The following PLCH1 variants were observed in gnomAD, a reference collection of about 807,000 sequenced individuals.
The protein encoded by PLCH1 is 1-phosphatidylinositol 4,5-bisphosphate phosphodiesterase eta-1.
PLCH1 carries 60 observed loss-of-function variants against 126.7 expected under a neutral mutation model. The ratio of observed to expected loss-of-function variants is 0.47; its 90% CI spans 0.38 to 0.59. The LOEUF (loss-of-function observed/expected upper bound fraction) is 0.59, where lower values mean the gene tolerates loss of function less well. PLCH1 is among the 20% of genes least tolerant of loss of function. PLCH1 has a pLI of 0.00. For missense variants in PLCH1, 1,723 were observed against 2,040.0 expected, an observed-to-expected ratio of 0.84 and a Z score of 2.99; for synonymous variants, 719 against 734.9, an observed-to-expected ratio of 0.98 and a Z score of 0.35.
intron 2 of PLCH1, among the ~76,000 whole-genome samples, chr3:155,610,539 T>C (rs1367137292): frequency 1.4e-4 from 21 of 152,158 alleles, no homozygotes; most frequent in African/African-American, 7.2e-5. Flanking sequence ...TATAAGCTAG[T>C]AGAAACTGGG....
At chr3:155,613,244 C>G (rs1735358672) in intron 2 of PLCH1, among the ~76,000 whole-genome samples, 1 of 152,118 alleles carries the variant, frequency 6.6e-6, no homozygotes. Context: ...GGTACCAATC[C>G]TATTGACACT....
rs140634966 is a variant in PLCH1 at position 155,703,305 on chromosome 3, C to A, written c.79+841G>T. Among the ~76,000 whole-genome samples, 521 of 152,264 alleles carry A rather than the reference C, an allele frequency of 3.4e-3. 1 individual carries two copies. The highest frequency in any genetic ancestry group is 7.0e-3 in the Admixed American group (107 of 15,280). ...TGAAAGCAGCTTAGATTATAGGATT[C>A]TGTTAAAGAGCACTCCACTCCCCCT... On this transcript the variant is annotated intron_variant, in intron 2 of 22. Transcript: ENST00000460012.
At chr3:155,710,890 G>A (rs1747075883) in intron 1 of PLCH1, among the ~76,000 whole-genome samples, 1 of 142,728 alleles carries the variant, frequency 7.0e-6, no homozygotes, top group Non-Finnish European at 1.5e-5. Context: ...AACTTGAAAA[G>A]CATAGAAAAA....
Position 155,494,495 on chromosome 3 carries a change from T to C in PLCH1, c.1917A>G (p.Ser639=), listed in dbSNP as rs1245043520. The change falls in exon 16 of 23, where the codon TCA becomes TCG. Residue 639 remains serine (S), a synonymous_variant. Transcript: ENST00000460012. The part of the protein sequence containing the change: ...VDDGTTGNVL[S]FSETRAHQVV... ...CCTGATGTGCTCTTGTTTCACTGAA[T>C]GATAACACATTTCCTGTGGTTCCTG... 2.5e-6 allele frequency: 4 copies of C among 1,612,506 alleles called. No individual in the cohort carries two copies. Among genetic ancestry groups the C allele is most frequent in the Middle Eastern group, 1.6e-4 (1 of 6,084 alleles).
At position 155,490,849 on chromosome 3, in the gene PLCH1, T is replaced by C. The variant is rs1716068176; in HGVS notation, c.2327A>G (p.Glu776Gly). The change falls in exon 19 of 23, where the codon GAA (glutamate) becomes GGA (glycine). Residue 776 changes from glutamate to glycine, a missense_variant. Physicochemically the swap from Glu to Gly is moderately conservative, Grantham distance 98. Around this residue, in one of 2 missense-constraint regions of PLCH1, gnomAD observed 776 missense variants for 1,062.9 expected, o/e 0.73. Coordinates refer to ENST00000460012, the MANE Select transcript of PLCH1 (RefSeq NM_014996.4). ...TACTGGCAATCCAATAATTTCAACTTCAACAAAAGGGTCAATGATCTATTA... is the reference window on the plus strand; with the variant it reads ...TACTGGCAATCCAATAATTTCAACTCCAACAAAAGGGTCAATGATCTATTA... ...DRGEIIDPFV[E>G]VEIIGLPVDC... is the part of the protein sequence containing the mutation. 1.3e-6 allele frequency: 2 copies of C among 1,579,182 alleles called. No individual in the cohort carries two copies. The highest frequency in any genetic ancestry group is 1.7e-6 in the Non-Finnish European group (2 of 1,148,810).
intron 21 of PLCH1, among the ~76,000 whole-genome samples, chr3:155,455,627 G>C (rs1712419049): frequency 6.6e-6 from 1 of 152,194 alleles, no homozygotes; most frequent in South Asian, 2.1e-4. Context: ...AATGAATTTA[G>C]GGTAGGGTCA....
chr3:155,736,320 A>G (rs1466064805), intron 1 of PLCH1, among the ~76,000 whole-genome samples: 1 of 152,224 alleles, frequency 6.6e-6, no homozygotes, highest in Non-Finnish European at 1.5e-5. Context: ...AAAAGGAGAA[A>G]AGTTGTGGTT....
In PLCH1 at chr3:155,456,369, G is replaced by T. The variant is rs890173352; in HGVS notation, c.2938+28987C>A. The stretch of plus-strand genomic sequence containing the variant: ...AAAAAAAAATCTCATAATGGTTTAA[G>T]AAAGTTTACAAATTTGTGTTGGGCC... On this transcript the variant is annotated intron_variant, in intron 21 of 21. Transcript: ENST00000494598. 6.6e-5 allele frequency among the ~76,000 whole-genome samples: 10 copies of T among 150,972 alleles called. No homozygotes were observed. The South Asian group carries it at 1.0e-3, about 16-fold the overall frequency.
At position 155,554,141 on chromosome 3, in the gene PLCH1, GA is replaced by G. The variant is rs1726502863; in HGVS notation, c.1124del (p.Leu375ProfsTer20). The stretch of plus-strand genomic sequence containing the variant: ...CATCTCTGAAGAGAATTTTTGAAGT[GA>G]GAGTGTAACCATGATGTACTACTGG... ...GEPVVHHGYT[L>X]TSKILFRDVV... On this transcript the variant is annotated frameshift_variant, in exon 9 of 23. Coordinates refer to ENST00000460012, the MANE Select transcript of PLCH1 (RefSeq NM_014996.4). LOFTEE classifies it high-confidence loss of function. 1.2e-6 allele frequency: 2 copies of G among 1,613,544 alleles called. No homozygotes were observed. The highest frequency in any genetic ancestry group is 1.7e-5 in the Admixed American group (1 of 59,982).
At chr3:155,619,497 G>GT (rs1553857945) in intron 2 of PLCH1, among the ~76,000 whole-genome samples, 1,205 of 65,142 alleles carry the variant, frequency 0.018, 25 homozygotes, top group African/African-American at 0.11. Context: ...AACAGAAAAA[G>GT]TAAAAAAAAA....
intron 1 of PLCH1, among the ~76,000 whole-genome samples, chr3:155,708,290 C>A (rs552237905): frequency 2.8e-4 from 42 of 152,272 alleles, no homozygotes; most frequent in Non-Finnish European, 4.9e-4. Flanking sequence ...GTTAGTAGGC[C>A]TGGGGCAAGG....
rs1553838806 is a variant in PLCH1 at position 155,566,116 on chromosome 3, T to TATATGTATATATACATATATACAC, written c.866-999_866-998insGTGTATATATGTATATATACATAT. 7.5e-4 allele frequency among the ~76,000 whole-genome samples: 105 copies of TATATGTATATATACATATATACAC among 140,148 alleles called. 1 individual carries two copies. Among genetic ancestry groups the TATATGTATATATACATATATACAC allele is most frequent in the Middle Eastern group, 3.7e-3 (1 of 270 alleles). The allele number at this position is 140,148 out of a possible 152,430, so 91.9% of individuals were successfully genotyped here. A position where few individuals can be genotyped will look rare whatever the true frequency, so the allele number is the denominator to read the frequency against. ...ATATAACCTAATATATATATACATA[T>TATATGTATATATACATATATACAC]ATATATGTATATATACATATATATG... is the stretch of plus-strand genomic sequence containing the variant. On this transcript the variant is annotated intron_variant, in intron 7 of 22. Coordinates refer to ENST00000460012, the MANE Select transcript of PLCH1 (RefSeq NM_014996.4).
intron 2 of PLCH1, among the ~76,000 whole-genome samples, chr3:155,648,225 T>C (rs1357260653): frequency 6.6e-6 from 1 of 152,196 alleles, no homozygotes; most frequent in African/African-American, 2.4e-5. Context: ...AGTAGTAGTA[T>C]TGGAGATTTC....
chr3:155,694,817 A>G (rs1298996907), intron 2 of PLCH1, among the ~76,000 whole-genome samples: 1 of 152,066 alleles, frequency 6.6e-6, no homozygotes, highest in African/African-American at 2.4e-5. Context: ...GGTGCTGACC[A>G]TTTTTCTTGT....
At chr3:155,660,073 G>C (rs185677517) in intron 2 of PLCH1, among the ~76,000 whole-genome samples, 2 of 152,146 alleles carry the variant, frequency 1.3e-5, no homozygotes, top group Admixed American at 1.3e-4. Context: ...ATTCATGAGT[G>C]GGGGAGCCAG....
At chr3:155,742,471 C>T (rs1749707238) in intron 1 of PLCH1, 1 of 152,144 alleles carries the variant, frequency 6.6e-6, no homozygotes, top group South Asian at 2.1e-4. Flanking sequence ...CATCAACCTT[C>T]CCTCTCTTTG....
chr3:155,556,829 A>C (rs1462331489), intron 8 of PLCH1, among the ~76,000 whole-genome samples: 1 of 152,222 alleles, frequency 6.6e-6, no homozygotes, highest in Non-Finnish European at 1.5e-5. Flanking sequence ...ACCCACAAGC[A>C]TGAGAGTCAA....
intron 2 of PLCH1, among the ~76,000 whole-genome samples, chr3:155,610,364 G>GAAAAAA (rs569174791): frequency 0.016 from 648 of 39,426 alleles, 24 homozygotes; most frequent in Middle Eastern, 0.025. Context: ...TGCGTCTGGA[G>GAAAAAA]AAAAAAAAAA....
chr3:155,572,820 G>A (rs1295319825), intron 6 of PLCH1, among the ~76,000 whole-genome samples: 1 of 152,050 alleles, frequency 6.6e-6, no homozygotes, highest in Non-Finnish European at 1.5e-5. Flanking sequence ...CCAAATCCTG[G>A]AATCAAGTGA....
Sources: allele counts gnomAD v4.1 joint callset (sites outside exome capture counted in the v4.1 genomes callset), GRCh38; gene constraint gnomAD v4.1.1; regional missense constraint gnomAD v4.1.1; transcripts MANE v1.5; gene names NCBI Gene and HGNC (gene_info 2026-07-23, HGNC 2026-07-21).